Variants in DYM observed in about 807,000 individuals in gnomAD.
The protein encoded by DYM is dymeclin, also known as dyggve-Melchior-Clausen syndrome protein.
Under a neutral mutation model 93.1 loss-of-function variants are expected in DYM, and 78 were observed. The ratio of observed to expected loss-of-function variants is 0.84; its 90% CI spans 0.70 to 1.01. The LOEUF (loss-of-function observed/expected upper bound fraction) is 1.01, where lower values mean the gene tolerates loss of function less well. DYM is among the 50% of genes least tolerant of loss of function. The pLI is 0.00. For synonymous variants in DYM, 321 were observed against 319.7 expected (o/e 1.00, Z -0.04); for missense variants, 789 against 845.0 (o/e 0.93, Z 0.82).
At chr18:49,149,712 T>G (rs988739774) in intron 15 of DYM, among the ~76,000 whole-genome samples, 4 of 141,990 alleles carry the variant, frequency 2.8e-5, no homozygotes, top group Non-Finnish European at 6.1e-5. Context: ...GTTTTTTTTT[T>G]TTTTTTTTTT....
intron 1 of DYM, among the ~76,000 whole-genome samples, chr18:49,451,418 C>G (rs2082507730): frequency 6.6e-6 from 1 of 152,182 alleles, no homozygotes; most frequent in African/African-American, 2.4e-5. Context: ...GAAGAACTGG[C>G]CTCATACCTT....
At chr18:49,342,265 T>C (rs1209767713) in intron 6 of DYM, among the ~76,000 whole-genome samples, 1 of 152,162 alleles carries the variant, frequency 6.6e-6, no homozygotes, top group African/African-American at 2.4e-5. Context: ...GGACTTTGAG[T>C]GACTCCTTAT....
intron 1 of DYM, among the ~76,000 whole-genome samples, chr18:49,444,716 T>TA (rs1249296565): frequency 6.6e-6 from 1 of 152,178 alleles, no homozygotes; most frequent in East Asian, 1.9e-4. Flanking sequence ...TACCTAATCC[T>TA]CAATTGGAAG....
chr18:49,109,261 G>A (rs1053973253), intron 16 of DYM, among the ~76,000 whole-genome samples: 2 of 152,108 alleles, frequency 1.3e-5, no homozygotes, highest in Non-Finnish European at 1.5e-5. Flanking sequence ...TGTTGTTGTT[G>A]TTCCACTATT....
chr18:49,305,457 G>C (rs2146259495), intron 8 of DYM, among the ~76,000 whole-genome samples: 1 of 152,250 alleles, frequency 6.6e-6, no homozygotes, highest in Non-Finnish European at 1.5e-5. Context: ...TTCATGCTTA[G>C]CTGACTCTTA....
intron 17 of DYM, among the ~76,000 whole-genome samples, chr18:49,068,838 G>A (rs2076670677): frequency 6.6e-6 from 1 of 152,174 alleles, no homozygotes; most frequent in Non-Finnish European, 1.5e-5. Context: ...ACTGGAAAGT[G>A]TCACTTATGG....
chr18:49,425,104 G>A (rs976703451), intron 2 of DYM, among the ~76,000 whole-genome samples: 1 of 152,134 alleles, frequency 6.6e-6, no homozygotes, highest in African/African-American at 2.4e-5. Context: ...TAAGGCAAAA[G>A]AACAAAGCTG....
intron 14 of DYM, among the ~76,000 whole-genome samples, chr18:49,194,720 T>G (rs1348243517): frequency 6.6e-6 from 1 of 152,162 alleles, no homozygotes; most frequent in African/African-American, 2.4e-5. Flanking sequence ...CAATAAATCT[T>G]AACAATACTC....
intron 16 of DYM, among the ~76,000 whole-genome samples, chr18:49,107,321 C>T (rs547770064): frequency 5.9e-5 from 9 of 152,018 alleles, no homozygotes; most frequent in Admixed American, 2.0e-4. Flanking sequence ...TTTTTTTTCA[C>T]GATTTTTAAC....
chr18:49,348,070 G>C (rs1357094435), intron 6 of DYM, among the ~76,000 whole-genome samples: 1 of 152,146 alleles, frequency 6.6e-6, no homozygotes, highest in Non-Finnish European at 1.5e-5. Context: ...TGCACTGCTA[G>C]GGCACAGTGG....
At chr18:49,312,669 A>T (rs1040235099) in intron 8 of DYM, among the ~76,000 whole-genome samples, 4 of 152,180 alleles carry the variant, frequency 2.6e-5, no homozygotes, top group Non-Finnish European at 4.4e-5. Context: ...GCATGGTACG[A>T]GAACTTGGGA....
chr18:49,331,504 CCCTAAAATAA>C (rs1398866080), intron 8 of DYM, among the ~76,000 whole-genome samples: 2 of 152,252 alleles, frequency 1.3e-5, no homozygotes, highest in South Asian at 2.1e-4. Flanking sequence ...CCAAAATATA[CCCTAAAATAA>C]CCTAAAATAG....
intron 13 of DYM, among the ~76,000 whole-genome samples, chr18:49,242,364 G>T (rs11875808): frequency 0.026 from 3,886 of 152,178 alleles, 153 homozygotes; most frequent in African/African-American, 0.087. Context: ...CACTGAGTGG[G>T]AAGTGCCACT....
chr18:49,420,999 A>C (rs1185622149), intron 2 of DYM, among the ~76,000 whole-genome samples: 1 of 152,108 alleles, frequency 6.6e-6, no homozygotes, highest in Admixed American at 6.5e-5. Flanking sequence ...TGAGTACCTA[A>C]ACAAAGCAGC....
intron 1 of DYM, among the ~76,000 whole-genome samples, chr18:49,437,947 G>A (rs1364908929): frequency 6.6e-6 from 1 of 152,112 alleles, no homozygotes; most frequent in African/African-American, 2.4e-5. Context: ...TGTAATCCCA[G>A]CACTTTGGGA....
chr18:49,214,738 A>T (rs1241503916), intron 13 of DYM, among the ~76,000 whole-genome samples: 1 of 152,216 alleles, frequency 6.6e-6, no homozygotes, highest in Non-Finnish European at 1.5e-5. Flanking sequence ...AGCATTTGAC[A>T]TTATGAGCTA....
intron 15 of DYM, among the ~76,000 whole-genome samples, chr18:49,133,980 G>A (rs1336332588): frequency 1.3e-5 from 2 of 152,066 alleles, no homozygotes; most frequent in Admixed American, 1.3e-4. Context: ...TAGTACATCT[G>A]GACAAAGCAA....
At chr18:49,056,327 A>G (rs2075477423) in intron 17 of DYM, among the ~76,000 whole-genome samples, 1 of 152,194 alleles carries the variant, frequency 6.6e-6, no homozygotes, top group South Asian at 2.1e-4. Flanking sequence ...GTTTTCCAAA[A>G]CCAAAGTAGA....
At chr18:49,431,293 T>C (rs1387476451) in intron 1 of DYM, among the ~76,000 whole-genome samples, 1 of 152,240 alleles carries the variant, frequency 6.6e-6, no homozygotes, top group Non-Finnish European at 1.5e-5. Flanking sequence ...TTAGTTGATA[T>C]GCCTCTTCCC....
Sources: allele counts gnomAD v4.1 joint callset (sites outside exome capture counted in the v4.1 genomes callset), GRCh38; gene constraint gnomAD v4.1.1; transcripts MANE v1.5; gene names NCBI Gene and HGNC (gene_info 2026-07-23, HGNC 2026-07-21).